ANTXR1: variants seen among roughly 807,000 people sequenced by gnomAD.
ANTXR1 encodes the protein ANTXR cell adhesion molecule 1.
A neutral mutation model predicts 78.1 loss-of-function variants in ANTXR1; 19 were observed. That is an observed-to-expected ratio of 0.24 (90% CI 0.17 to 0.36). ANTXR1 has a LOEUF of 0.36. Among genes scored for constraint, ANTXR1 ranks in the 10% least tolerant of loss-of-function variants. ANTXR1 has a pLI of 1.00. For missense variants in ANTXR1, 518 were observed against 718.6 expected (o/e 0.72, Z 3.19); for synonymous variants, 273 against 260.5 (o/e 1.05, Z -0.46).
intron 3 of ANTXR1, among the ~76,000 whole-genome samples, chr2:69,047,693 A>G (rs1042487598): frequency 3.0e-4 from 45 of 151,760 alleles, no homozygotes; most frequent in African/African-American, 5.3e-4. Context: ...CTAGGTTTAA[A>G]TTTTCCTCCC....
intron 12 of ANTXR1, among the ~76,000 whole-genome samples, chr2:69,147,140 C>A (rs1168779267): frequency 6.6e-6 from 1 of 152,192 alleles, no homozygotes; most frequent in African/African-American, 2.4e-5. Flanking sequence ...TCAGGCTATG[C>A]CATGTGAGCC....
intron 7 of ANTXR1, among the ~76,000 whole-genome samples, chr2:69,076,742 T>A (rs1415652325): frequency 6.6e-6 from 1 of 152,250 alleles, no homozygotes; most frequent in Admixed American, 6.5e-5. Flanking sequence ...AATGAGTAAG[T>A]ATTACTTTTG....
chr2:69,211,956 C>T (rs998839859), intron 17 of ANTXR1, among the ~76,000 whole-genome samples: 3 of 152,230 alleles, frequency 2.0e-5, no homozygotes, highest in African/African-American at 7.2e-5. Context: ...TGTAAGTCAA[C>T]CCACTCCTCT....
chr2:69,186,677 G>T (rs938462674), intron 16 of ANTXR1, among the ~76,000 whole-genome samples: 1 of 152,218 alleles, frequency 6.6e-6, no homozygotes, highest in African/African-American at 2.4e-5. Flanking sequence ...GAGACTACTC[G>T]ACAGGAACTG....
chr2:69,013,269 G>A lies in ANTXR1; in HGVS notation c.-231G>A, dbSNP rs910613434. On this transcript the variant is annotated 5_prime_UTR_variant, in exon 1 of 18. Coordinates refer to ENST00000303714, the MANE Select transcript of ANTXR1 (RefSeq NM_032208.3). This position sits in a 1 kb window ranked among gnomAD's most constrained non-coding sequence, Gnocchi z 5.0. ...GGCAGCCCTCCCCTTTAAAAGAAGC[G>A]GAGGACAGGATTGGGATCCTTGAAA... 7.8e-6 allele frequency: 5 copies of A among 641,644 alleles called. No homozygotes were observed. The highest frequency in any genetic ancestry group is 5.5e-5 in the East Asian group (2 of 36,484). 39.7% of individuals were successfully genotyped at this position (641,644 alleles called of 1,614,324 possible).
rs1445733130 is a variant in ANTXR1 at position 69,070,787 on chromosome 2, G to A, written c.378+59G>A. 4.0e-6 allele frequency: 6 copies of A among 1,508,464 alleles called. No individual in the cohort carries two copies. The East Asian group carries it at 1.4e-4, about 34-fold the overall frequency. 93.4% of individuals were successfully genotyped at this position (1,508,464 alleles called of 1,614,324 possible). A position where few individuals can be genotyped will look rare whatever the true frequency, so the allele number is the denominator to read the frequency against. On this transcript the variant is annotated intron_variant, in intron 4 of 17. Coordinates refer to ENST00000303714, the MANE Select transcript of ANTXR1 (RefSeq NM_032208.3). ...AGCATGATATTGAAATATCAACATG[G>A]GGTGACTGATGAGATAAGGCACTTA...
intron 12 of ANTXR1, among the ~76,000 whole-genome samples, chr2:69,128,685 G>A (rs575642908): frequency 1.3e-5 from 2 of 152,318 alleles, no homozygotes; most frequent in African/African-American, 4.8e-5. Flanking sequence ...GGGCAAAATA[G>A]AGATGCAGGT....
intron 8 of ANTXR1, among the ~76,000 whole-genome samples, chr2:69,090,038 C>G (rs750833876): frequency 4.1e-4 from 62 of 152,262 alleles, no homozygotes; most frequent in Non-Finnish European, 6.0e-4. Context: ...TGACTCTCCA[C>G]TCAACCCTAT....
intron 17 of ANTXR1, among the ~76,000 whole-genome samples, chr2:69,199,770 A>C (rs1674732999): frequency 6.6e-6 from 1 of 152,178 alleles, no homozygotes. Flanking sequence ...AAGGTTGAGA[A>C]GCAGTGAGGT....
intron 10 of ANTXR1, among the ~76,000 whole-genome samples, chr2:69,110,651 G>A (rs1023152574): frequency 6.6e-6 from 1 of 152,108 alleles, no homozygotes; most frequent in Non-Finnish European, 1.5e-5. Context: ...AAGGTCTCCG[G>A]AGATGGAGAC....
In ANTXR1 at chr2:69,026,321, C is replaced by T. The variant is rs571836474; in HGVS notation, c.152+12670C>T. On this transcript the variant is annotated intron_variant, in intron 1 of 17. Coordinates refer to ENST00000303714, the MANE Select transcript of ANTXR1 (RefSeq NM_032208.3). ...TACTAGCTGTATGTCCTTGAGTAAG[C>T]TACTTAACCTCTCTATGAATTCAGT... 1.1e-4 allele frequency among the ~76,000 whole-genome samples: 16 copies of T among 152,308 alleles called. No homozygotes were observed. In the South Asian group the frequency reaches 3.1e-3, roughly 30 times the overall value.
At chr2:69,077,266 A>G (rs1311669373) in intron 7 of ANTXR1, 142 bp from the exon 8 acceptor site, 1 of 814,930 alleles carries the variant, frequency 1.2e-6, no homozygotes, top group Admixed American at 2.0e-5. Flanking sequence ...TTTTCAGGGC[A>G]GCCCCTGAGC....
chr2:69,221,734 T>C (rs1259719645), intron 17 of ANTXR1, among the ~76,000 whole-genome samples: 2 of 151,894 alleles, frequency 1.3e-5, no homozygotes, highest in Non-Finnish European at 2.9e-5. Flanking sequence ...AGGAGATCCA[T>C]TGAAATGTGA....
intron 14 of ANTXR1, among the ~76,000 whole-genome samples, chr2:69,173,102 A>T (rs1410310302): frequency 1.3e-5 from 2 of 152,244 alleles, no homozygotes; most frequent in Non-Finnish European, 2.9e-5. Flanking sequence ...AAGCTAGTCC[A>T]AGATGAAAGA....
intron 12 of ANTXR1, among the ~76,000 whole-genome samples, chr2:69,149,964 C>G (rs74630696): frequency 0.081 from 12,313 of 152,270 alleles, 842 homozygotes; most frequent in East Asian, 0.35. Context: ...CATCGTCTGG[C>G]CCCTGTGCTC....
intron 10 of ANTXR1, among the ~76,000 whole-genome samples, chr2:69,111,163 C>G (rs570837916): frequency 6.6e-6 from 1 of 152,272 alleles, no homozygotes; most frequent in African/African-American, 2.4e-5. Flanking sequence ...TTGGTTAGTT[C>G]CTCAGTCACC....
chr2:69,249,142 T>TA lies in ANTXR1; in HGVS notation c.*3657_*3658insA, dbSNP rs1328390266. The TA allele has an allele frequency of 5.3e-5, 8 of 152,114 alleles. No individual in the cohort carries two copies. The highest frequency in any genetic ancestry group is 1.9e-4 in the African/African-American group (8 of 41,414). 9.4% of individuals were successfully genotyped at this position (152,114 alleles called of 1,614,324 possible). On this transcript the variant is annotated 3_prime_UTR_variant, in exon 18 of 18. Coordinates refer to ENST00000303714, the MANE Select transcript of ANTXR1 (RefSeq NM_032208.3). ...ATGACAACCCTGGAAGTTGCTTTTT[T>TA]TAAAAAAATAATAAATTTCTTAAAT...
intron 12 of ANTXR1, among the ~76,000 whole-genome samples, chr2:69,125,193 G>C (rs954977382): frequency 6.6e-6 from 1 of 152,140 alleles, no homozygotes; most frequent in Non-Finnish European, 1.5e-5. Context: ...GAGTGGGGAA[G>C]GAGCCCTTAC....
chr2:69,116,152 C>G (rs752975398), intron 10 of ANTXR1, among the ~76,000 whole-genome samples: 2 of 152,216 alleles, frequency 1.3e-5, no homozygotes, highest in Non-Finnish European at 2.9e-5. Flanking sequence ...TCTCACTCAT[C>G]TCTGAAAACC....
Sources: allele counts gnomAD v4.1 joint callset (sites outside exome capture counted in the v4.1 genomes callset), GRCh38; gene constraint gnomAD v4.1.1; non-coding constraint Gnocchi (gnomAD v3.1); transcripts MANE v1.5; gene names NCBI Gene and HGNC (gene_info 2026-07-23, HGNC 2026-07-21).